The following GNG7 variants were observed in gnomAD, a reference collection of about 807,000 sequenced individuals.
GNG7 encodes the protein guanine nucleotide-binding protein G(I)/G(S)/G(O) subunit gamma-7.
GNG7 carries 1 observed loss-of-function variant against 4.0 expected under a neutral mutation model. The ratio of observed to expected loss-of-function variants is 0.25; its 90% CI spans 0.09 to 1.18. The LOEUF (loss-of-function observed/expected upper bound fraction) is 1.18, where lower values mean the gene tolerates loss of function less well. GNG7 is among the 50% of genes most tolerant of loss of function. The pLI, the probability that GNG7 is intolerant of heterozygous loss-of-function variation, is 0.50. For missense variants in GNG7, 86 were observed against 91.9 expected (o/e 0.94, Z 0.26); for synonymous variants, 34 against 36.9 (o/e 0.92, Z 0.29).
At chr19:2,677,115 G>T (rs1208470612) in intron 1 of GNG7, among the ~76,000 whole-genome samples, 5 of 152,118 alleles carry the variant, frequency 3.3e-5, no homozygotes, top group Non-Finnish European at 7.3e-5. Flanking sequence ...ATATATGCTC[G>T]CAAGAATTCT....
chr19:2,543,192 T>G (rs1306068806), intron 3 of GNG7, among the ~76,000 whole-genome samples: 1 of 149,556 alleles, frequency 6.7e-6, no homozygotes, highest in Admixed American at 6.7e-5. Flanking sequence ...GTCCTGGGAT[T>G]CCATGTATGA....
At chr19:2,673,451 G>T (rs1007284188) in intron 1 of GNG7, among the ~76,000 whole-genome samples, 1 of 152,052 alleles carries the variant, frequency 6.6e-6, no homozygotes, top group Admixed American at 6.5e-5. Flanking sequence ...CCAGCACTTT[G>T]GGAGGCCGAG....
intron 3 of GNG7, among the ~76,000 whole-genome samples, chr19:2,530,711 C>T (rs751351766): frequency 1.1e-4 from 17 of 152,134 alleles, no homozygotes; most frequent in Non-Finnish European, 2.4e-4. Context: ...CAGAGTGAGA[C>T]CCTGTCTCAA....
rs1335400155 is a variant in GNG7, at chr19:2,513,797, C to G, written c.*1225G>C. The G allele has an allele frequency of 6.5e-6, 1 of 153,102 alleles. No individual in the cohort carries two copies. The highest frequency in any genetic ancestry group is 1.5e-5 in the Non-Finnish European group (1 of 68,884). 9.5% of individuals were successfully genotyped at this position (153,102 alleles called of 1,614,324 possible). ...GCCCCACCCGCCCTGCCGCGGCTCC[C>G]CAGCCTGCATTTTCTGTTTGAAAAA... is the stretch of plus-strand genomic sequence containing the variant. On this transcript the variant is annotated 3_prime_UTR_variant, in exon 5 of 5. Transcript: ENST00000382159.
rs200094859 is a variant in GNG7, at chr19:2,520,737, G to A, written c.-37-12C>T. ...CGTTGTTCAGAGAGCTGTGGGGGAAGCAGAGGGGTGTGGGTCAAAGTTCAG... is the reference window on the plus strand; with the variant it reads ...CGTTGTTCAGAGAGCTGTGGGGGAAACAGAGGGGTGTGGGTCAAAGTTCAG... On this transcript the variant is annotated splice_polypyrimidine_tract_variant and intron_variant, in intron 3 of 4. Transcript: ENST00000382159. The A allele has an allele frequency of 5.5e-4, 629 of 1,148,992 alleles. No individual in the cohort carries two copies. In the African/African-American group the frequency reaches 8.1e-3, roughly 15 times the overall value. The allele number at this position is 1,148,992 out of a possible 1,614,324, so 71.2% of individuals were successfully genotyped here.
chr19:2,632,361 G>A (rs563988584), intron 2 of GNG7, among the ~76,000 whole-genome samples: 97 of 151,720 alleles, frequency 6.4e-4, no homozygotes, highest in African/African-American at 2.2e-3. Context: ...CCCGGGAGGT[G>A]GAGGTTGCAG....
At chr19:2,664,123 C>T (rs1314127094) in intron 1 of GNG7, among the ~76,000 whole-genome samples, 1 of 152,210 alleles carries the variant, frequency 6.6e-6, no homozygotes, top group African/African-American at 2.4e-5. Context: ...GGCTGCACTT[C>T]CTCCTCTGGG....
At position 2,546,259 on chromosome 19, in the gene GNG7, G is replaced by A. The variant is rs2144752343; in HGVS notation, c.-38+8890C>T. Among the ~76,000 whole-genome samples, 1 of 152,316 alleles carries A rather than the reference G, an allele frequency of 6.6e-6. No homozygotes were observed. Among genetic ancestry groups the A allele is most frequent in the East Asian group, 1.9e-4 (1 of 5,176 alleles). On this transcript the variant is annotated intron_variant, in intron 3 of 4. Transcript: ENST00000382159. The surrounding 1 kb of genome is among the most constrained non-coding windows in gnomAD (Gnocchi z 6.3). ...ACCCCAGGGCCCCCTCAGCAACCAG[G>A]GTCTGCATGCAGAGACCCTGCACCC...
At chr19:2,613,952 C>T (rs1981645867) in intron 2 of GNG7, among the ~76,000 whole-genome samples, 2 of 152,232 alleles carry the variant, frequency 1.3e-5, no homozygotes, top group South Asian at 2.1e-4. Context: ...GACAGAAGCT[C>T]GCAGCCTAAG....
chr19:2,663,474 T>C (rs1983230278), intron 1 of GNG7, among the ~76,000 whole-genome samples: 1 of 152,036 alleles, frequency 6.6e-6, no homozygotes, highest in Admixed American at 6.6e-5. Context: ...TCCCAGTCCC[T>C]AGAACCGTTA....
intron 1 of GNG7, among the ~76,000 whole-genome samples, chr19:2,677,178 C>T (rs1251972056): frequency 2.0e-5 from 3 of 152,040 alleles, no homozygotes; most frequent in Admixed American, 6.6e-5. Context: ...TTCCAGGAGA[C>T]GCTGAGCTCG....
intron 2 of GNG7, among the ~76,000 whole-genome samples, chr19:2,562,088 C>T (rs1979758929): frequency 6.6e-6 from 1 of 152,046 alleles, no homozygotes; most frequent in African/African-American, 2.4e-5. Flanking sequence ...TTCTGCTTCT[C>T]AGAAAGAAAC....
At chr19:2,688,727 G>C (rs569984951) in intron 1 of GNG7, among the ~76,000 whole-genome samples, 1 of 152,174 alleles carries the variant, frequency 6.6e-6, no homozygotes, top group Admixed American at 6.5e-5. Context: ...AGGACATTAG[G>C]GGAAGATTAA....
At chr19:2,643,830 T>C in intron 2 of GNG7, 1 of 359,500 alleles carries the variant, frequency 2.8e-6, no homozygotes, top group East Asian at 7.3e-5. Context: ...AATGGGACGC[T>C]GTCATCGACT....
chr19:2,517,155 C>T (rs998888676), intron 4 of GNG7: 3 of 152,168 alleles, frequency 2.0e-5, no homozygotes, highest in South Asian at 2.1e-4. Flanking sequence ...CGAGAAGGAT[C>T]GCAGTGTCGC....
intron 1 of GNG7, among the ~76,000 whole-genome samples, chr19:2,674,784 G>A (rs1032916595): frequency 4.6e-5 from 7 of 152,212 alleles, no homozygotes; most frequent in African/African-American, 1.4e-4. Context: ...GAGATGCAAA[G>A]TCAGGGAGTG....
At chr19:2,530,500 C>G in intron 3 of GNG7, among the ~76,000 whole-genome samples, 1 of 150,894 alleles carries the variant, frequency 6.6e-6, no homozygotes, top group Non-Finnish European at 1.5e-5. Context: ...GTGGGAGGAT[C>G]ACTTGAAGTC....
chr19:2,576,213 C>T (rs1350003584), intron 2 of GNG7, among the ~76,000 whole-genome samples: 2 of 152,272 alleles, frequency 1.3e-5, no homozygotes, highest in Non-Finnish European at 2.9e-5. Context: ...TTTCCCAACC[C>T]ACCGCAGTGG....
chr19:2,665,956 C>G (rs903801535), intron 1 of GNG7, among the ~76,000 whole-genome samples: 2 of 152,074 alleles, frequency 1.3e-5, no homozygotes, highest in Non-Finnish European at 2.9e-5. Context: ...GCCTCTGCCT[C>G]CCGGGTTCAA....
Sources: gnomAD v4.1 joint callset for allele counts (sites outside exome capture counted in the v4.1 genomes callset) on GRCh38, gnomAD v4.1.1 for gene constraint, Gnocchi (gnomAD v3.1) non-coding constraint, MANE v1.5 for transcripts, NCBI Gene and HGNC (gene_info 2026-07-23, HGNC 2026-07-21) for gene names.